FSIP2: variants seen among roughly 807,000 people sequenced by gnomAD.
The protein encoded by FSIP2 is fibrous sheath-interacting protein 2.
In FSIP2, 367 loss-of-function variants were observed where a neutral mutation model predicts 510.5. The ratio of observed to expected loss-of-function variants is 0.72; its 90% CI spans 0.66 to 0.78. FSIP2 has a LOEUF of 0.78. Ranked by LOEUF, FSIP2 falls within the 30% of genes least tolerant of loss-of-function variation. The probability of loss-of-function intolerance (pLI) is 0.00; values close to 1 mark genes in which losing one functional copy is unlikely to be tolerated. For missense variants in FSIP2, 7,594 were observed against 7,901.7 expected (o/e 0.96, Z 1.48); for synonymous variants, 2,601 against 2,732.2 (o/e 0.95, Z 1.50).
rs941068038 is a variant in FSIP2, at chr2:185,793,699, C to T, written c.6563C>T (p.Thr2188Ile). The T allele has an allele frequency of 6.5e-6, 10 of 1,534,792 alleles. No homozygotes were observed. The highest frequency in any genetic ancestry group is 8.7e-6 in the Non-Finnish European group (10 of 1,145,882). The stretch of plus-strand genomic sequence containing the variant: ...CCTACTTCTGCAAGATTGCCCCTGA[C>T]ATTTTGTGATACGTTTCCAAAAATA... ...KNPTSARLPL[T>I]FCDTFPKIDC... Residue 2188 changes from threonine (T) to isoleucine (I), a missense_variant, in exon 16 of 23, where the codon ACA (threonine) becomes ATA (isoleucine). Coordinates refer to ENST00000424728, the MANE Select transcript of FSIP2 (RefSeq NM_173651.4).
chr2:185,808,830 A>G lies in FSIP2; in HGVS notation c.19524A>G (p.Leu6508=), dbSNP rs1330612392. 4 of 1,612,620 alleles carry G rather than the reference A, an allele frequency of 2.5e-6. No homozygotes were observed. Among genetic ancestry groups the G allele is most frequent in the Non-Finnish European group, 3.4e-6 (4 of 1,179,408 alleles). ...TTCCTGAATTAGAGCAAGAAAAGTT[A>G]GATCAAAATTTATCTGAAGAGGAAT... The part of the protein sequence containing the change: ...NVIPELEQEK[L]DQNLSEEESP... Residue 6508 remains leucine (L), a synonymous_variant, in exon 17 of 23, where the codon TTA becomes TTG. Transcript: ENST00000424728.
At chr2:185,745,630 A>G in intron 5 of FSIP2, 62 bp downstream of exon 5, 1 of 1,365,708 alleles carries the variant, frequency 7.3e-7, no homozygotes, top group South Asian at 1.4e-5. Context: ...GCTGGAAAAT[A>G]CTAGAAAGAA....
intron 17 of FSIP2, among the ~76,000 whole-genome samples, chr2:185,811,145 A>G (rs548804847): frequency 1.1e-3 from 165 of 152,184 alleles, no homozygotes; most frequent in Non-Finnish European, 1.9e-3. Context: ...TTTGGAATTT[A>G]TATTTCAAAG....
chr2:185,805,800 T>C lies in FSIP2; in HGVS notation c.16494T>C (p.Ile5498=). 2 of 1,603,358 alleles carry C rather than the reference T, an allele frequency of 1.2e-6. No homozygotes were observed. Among genetic ancestry groups the C allele is most frequent in the Non-Finnish European group, 1.7e-6 (2 of 1,176,474 alleles). The change falls in exon 17 of 23, where the codon ATT becomes ATC. Residue 5498 remains isoleucine (I), a synonymous_variant. Transcript: ENST00000424728. ...QNPVLSSINA[I]MKSGMINLTS... is the part of the protein sequence containing the mutation. ...CAGTACTTAGCTCTATAAATGCAAT[T>C]ATGAAAAGCGGCATGATTAACCTAA...
At chr2:185,778,728 A>AATG (rs929745466) in intron 13 of FSIP2, among the ~76,000 whole-genome samples, 19 of 152,060 alleles carry the variant, frequency 1.2e-4, no homozygotes, top group African/African-American at 4.3e-4. Context: ...TTTGGGATGT[A>AATG]ATGTTCTAAA....
chr2:185,790,955 A>G lies in FSIP2; in HGVS notation c.3819A>G (p.Ser1273=). Residue 1273 remains serine, a synonymous_variant, in exon 16 of 23, where the codon TCA becomes TCG. Coordinates refer to ENST00000424728, the MANE Select transcript of FSIP2 (RefSeq NM_173651.4). ...GTACAATTTTTAAAAGACTGAAGTC[A>G]TTTATTTGTCCAAAATTGCATATGG... The part of the protein sequence containing the change: ...IIRTIFKRLK[S]FICPKLHMGF... 1.3e-6 allele frequency: 2 copies of G among 1,526,276 alleles called. No individual in the cohort carries two copies. The highest frequency in any genetic ancestry group is 1.7e-6 in the Non-Finnish European group (2 of 1,143,016). The allele number at this position is 1,526,276 out of a possible 1,614,324, so 94.5% of individuals were successfully genotyped here.
At chr2:185,816,450 C>A (rs963391329) in intron 19 of FSIP2, among the ~76,000 whole-genome samples, 1 of 151,760 alleles carries the variant, frequency 6.6e-6, no homozygotes, top group African/African-American at 2.4e-5. Context: ...TCTGATTTCC[C>A]CATGGAAACA....
In FSIP2 at chr2:185,792,156, C is replaced by T. The variant is rs950744377; in HGVS notation, c.5020C>T (p.Pro1674Ser). ...DLKTSVENPP[P>S]ETQILKYVVK... ...GAAGACAAGTGTAGAAAACCCACCA[C>T]CTGAGACTCAAATACTTAAGTATGT... is the stretch of plus-strand genomic sequence containing the variant. Residue 1674 changes from proline to serine, a missense_variant, in exon 16 of 23, where the codon CCT becomes TCT. Pro to Ser is a moderately conservative substitution (Grantham distance 74). Coordinates refer to ENST00000424728, the MANE Select transcript of FSIP2 (RefSeq NM_173651.4). The T allele has an allele frequency of 1.3e-6, 2 of 1,533,128 alleles. No individual in the cohort carries two copies. The highest frequency in any genetic ancestry group is 1.4e-5 in the African/African-American group (1 of 72,924). 95.0% of individuals were successfully genotyped at this position (1,533,128 alleles called of 1,614,324 possible).
intron 7 of FSIP2, among the ~76,000 whole-genome samples, chr2:185,751,690 A>G (rs1692151953): frequency 1.3e-5 from 2 of 151,044 alleles, no homozygotes; most frequent in African/African-American, 2.4e-5. Context: ...TTGATTTTTA[A>G]TGATCCCTTT....
At chr2:185,816,937 G>C (rs908650313) in intron 19 of FSIP2, among the ~76,000 whole-genome samples, 4 of 146,110 alleles carry the variant, frequency 2.7e-5, no homozygotes, top group Non-Finnish European at 6.0e-5. Context: ...ATGAGAAAGA[G>C]AGAGAAGAGA....
At chr2:185,782,150 A>G (rs1692864984) in intron 13 of FSIP2, among the ~76,000 whole-genome samples, 1 of 152,140 alleles carries the variant, frequency 6.6e-6, no homozygotes, top group Non-Finnish European at 1.5e-5. Flanking sequence ...ATTGATCCAC[A>G]CCAAAACATG....
chr2:185,782,549 T>G (rs1692874708), intron 13 of FSIP2, among the ~76,000 whole-genome samples, 156 bp from the exon 14 acceptor site: 1 of 152,066 alleles, frequency 6.6e-6, no homozygotes, highest in Admixed American at 6.6e-5. Context: ...ACAGTACAGG[T>G]CCTTGCTAAG....
At chr2:185,739,079 G>C in intron 1 of FSIP2, 86 bp downstream of exon 1, 1 of 1,425,072 alleles carries the variant, frequency 7.0e-7, no homozygotes, top group African/African-American at 1.4e-5. Context: ...CACACGGGTC[G>C]CGAGGCTCCC....
rs935786101 is a variant in FSIP2, at chr2:185,800,693, G to A, written c.11387G>A (p.Ser3796Asn). 1.3e-6 allele frequency: 2 copies of A among 1,534,042 alleles called. No homozygotes were observed. Among genetic ancestry groups the A allele is most frequent in the Admixed American group, 2.0e-5 (1 of 50,812 alleles). Residue 3796 changes from serine to asparagine, a missense_variant, in exon 17 of 23, where the codon AGT becomes AAT. Ser to Asn is a conservative substitution (Grantham distance 46, BLOSUM62 1). Transcript: ENST00000424728. ...TGTCAACTTTTAAAAATGCTTCAAAGTGTAGAAGATGGAAAATCTGATTAT... is the reference window on the plus strand; with the variant it reads ...TGTCAACTTTTAAAAATGCTTCAAAATGTAGAAGATGGAAAATCTGATTAT... ...EECQLLKMLQ[S>N]VEDGKSDYRK...
At chr2:185,777,018 C>G (rs762007621) in intron 13 of FSIP2, among the ~76,000 whole-genome samples, 39 of 152,192 alleles carry the variant, frequency 2.6e-4, no homozygotes, top group Non-Finnish European at 3.5e-4. Context: ...GCCACCGTGC[C>G]TGGCCAGGAT....
At chr2:185,814,679 A>G (rs1382471501) in intron 18 of FSIP2, among the ~76,000 whole-genome samples, 1 of 152,078 alleles carries the variant, frequency 6.6e-6, no homozygotes, top group Non-Finnish European at 1.5e-5. Context: ...GTCCTGCAGT[A>G]TAATCTACAT....
rs1228096693 is a variant in FSIP2 at position 185,746,742 on chromosome 2, G to C, written c.691G>C (p.Asp231His). 1.3e-6 allele frequency: 2 copies of C among 1,532,148 alleles called. No homozygotes were observed. The highest frequency in any genetic ancestry group is 1.7e-6 in the Non-Finnish European group (2 of 1,145,132). The allele number at this position is 1,532,148 out of a possible 1,614,324, so 94.9% of individuals were successfully genotyped here. Residue 231 changes from aspartate (D) to histidine (H), a missense_variant, in exon 6 of 23, where the codon GAT (aspartate) becomes CAT (histidine). Asp to His is a moderately conservative substitution (Grantham distance 81). Transcript: ENST00000424728. ...TAEEQRLFLM[D>H]REERRQREHT... ...AGAAGAACAACGCCTATTCCTAATG[G>C]ATAGAGAAGAAAGACGACAGCGGGA...
rs1314319151 is a variant in FSIP2, at chr2:185,799,919, T to G, written c.10613T>G (p.Ile3538Ser). The change falls in exon 17 of 23, where the codon ATT (isoleucine) becomes AGT (serine). Residue 3538 changes from isoleucine to serine, a missense_variant. By Grantham distance (142) the Ile-to-Ser change is moderately radical (BLOSUM62 -2). Coordinates refer to ENST00000424728, the MANE Select transcript of FSIP2 (RefSeq NM_173651.4). Reference sequence around the variant, plus strand: ...ATTCAAGAAGCAACATTTAGCAAGATTATTTCAATTCATTCTCAAGTGTTT... The same window carrying G: ...ATTCAAGAAGCAACATTTAGCAAGAGTATTTCAATTCATTCTCAAGTGTTT... ...WEIQEATFSK[I>S]ISIHSQVFES... is the part of the protein sequence containing the mutation. 2 of 1,533,822 alleles carry G rather than the reference T, an allele frequency of 1.3e-6. No homozygotes were observed. Among genetic ancestry groups the G allele is most frequent in the African/African-American group, 1.4e-5 (1 of 72,848 alleles).
At position 185,802,201 on chromosome 2, in the gene FSIP2, T is replaced by C; in HGVS notation, c.12895T>C (p.Ser4299Pro). The C allele has an allele frequency of 6.5e-7, 1 of 1,533,528 alleles. No individual in the cohort carries two copies. Among genetic ancestry groups the C allele is most frequent in the Non-Finnish European group, 8.7e-7 (1 of 1,145,234 alleles). The allele number at this position is 1,533,528 out of a possible 1,614,324, so 95.0% of individuals were successfully genotyped here. A position where few individuals can be genotyped will look rare whatever the true frequency, so the allele number is the denominator to read the frequency against. Residue 4299 changes from serine to proline, a missense_variant, in exon 17 of 23, where the codon TCA becomes CCA. Coordinates refer to ENST00000424728, the MANE Select transcript of FSIP2 (RefSeq NM_173651.4). ...VIESHRPQKQ[S>P]PLDIHLDSFV... is the part of the protein sequence containing the mutation. ...AGAGTCACACAGACCTCAGAAGCAA[T>C]CACCTTTAGATATTCACCTTGATTC...
Sources: allele counts gnomAD v4.1 joint callset (sites outside exome capture counted in the v4.1 genomes callset), GRCh38; gene constraint gnomAD v4.1.1; transcripts MANE v1.5; gene names NCBI Gene and HGNC (gene_info 2026-07-23, HGNC 2026-07-21).